Variants in C1GALT1 observed in about 807,000 individuals in gnomAD.
C1GALT1 encodes the protein glycoprotein-N-acetylgalactosamine 3-beta-galactosyltransferase 1.
A neutral mutation model predicts 31.0 loss-of-function variants in C1GALT1; 11 were observed. The observed-to-expected ratio is 0.36, with a 90% CI of 0.22 to 0.59. C1GALT1 has a LOEUF of 0.59. C1GALT1 is among the 20% of genes least tolerant of loss of function. The pLI, the probability that C1GALT1 is intolerant of heterozygous loss-of-function variation, is 0.79. For synonymous variants in C1GALT1, 175 were observed against 143.6 expected, an observed-to-expected ratio of 1.22 and a Z score of -1.56; for missense variants, 424 against 425.2, an observed-to-expected ratio of 1.00 and a Z score of 0.03.
chr7:7,231,803 T>C (rs1783087805), intron 1 of C1GALT1, among the ~76,000 whole-genome samples: 1 of 151,138 alleles, frequency 6.6e-6, no homozygotes, highest in African/African-American at 2.4e-5. Context: ...AAAAAAAAAG[T>C]CGTCATGATA....
intron 1 of C1GALT1, among the ~76,000 whole-genome samples, chr7:7,233,939 T>C (rs1282766320): frequency 6.6e-6 from 1 of 151,962 alleles, no homozygotes; most frequent in East Asian, 1.9e-4. Flanking sequence ...GGGTGGTGGT[T>C]GCTACCAGAG....
At chr7:7,239,321 G>A (rs1270899902) in intron 3 of C1GALT1, among the ~76,000 whole-genome samples, 1 of 152,206 alleles carries the variant, frequency 6.6e-6, no homozygotes, top group Non-Finnish European at 1.5e-5. Context: ...GAGTGGGATG[G>A]AGTCCTCTGG....
chr7:7,171,105 T>C (rs1226836568), intron 2 of C1GALT1, among the ~76,000 whole-genome samples: 1 of 116,238 alleles, frequency 8.6e-6, no homozygotes, highest in Non-Finnish European at 1.9e-5. Flanking sequence ...TAAAATGTTC[T>C]ATATACACAT....
At chr7:7,189,117 T>G (rs796572008) in intron 1 of C1GALT1, among the ~76,000 whole-genome samples, 3 of 152,316 alleles carry the variant, frequency 2.0e-5, no homozygotes, top group African/African-American at 7.2e-5. Context: ...AGCACAAAGA[T>G]TTTCCCTATC....
At chr7:7,166,080 C>T (rs1583727860) in intron 2 of C1GALT1, among the ~76,000 whole-genome samples, 1 of 152,116 alleles carries the variant, frequency 6.6e-6, no homozygotes, top group Non-Finnish European at 1.5e-5. Context: ...GGCGTGTTCA[C>T]GTTCTCTCAT....
rs561094780 is a variant in C1GALT1, at chr7:7,231,721, C to T, written c.-17-2582C>T. Among the ~76,000 whole-genome samples the T allele has an allele frequency of 6.6e-5, 10 of 151,390 alleles. No homozygotes were observed. The East Asian group carries it at 7.7e-4, about 12-fold the overall frequency. On this transcript the variant is annotated intron_variant, in intron 1 of 3. Transcript: ENST00000436587. Reference sequence around the variant, plus strand: ...TATTGTCTACTTTTTTGTGTTTAGCCGTAATTTTCATCTTGATGCCTGGTT... The same window carrying T: ...TATTGTCTACTTTTTTGTGTTTAGCTGTAATTTTCATCTTGATGCCTGGTT...
intron 1 of C1GALT1, among the ~76,000 whole-genome samples, chr7:7,183,134 G>A (rs1583737281): frequency 6.6e-6 from 1 of 152,050 alleles, no homozygotes; most frequent in East Asian, 1.9e-4. Flanking sequence ...TCTTCTGCTC[G>A]CGCGCTGCCT....
chr7:7,191,561 T>C (rs1781073864), intron 1 of C1GALT1, among the ~76,000 whole-genome samples: 2 of 152,132 alleles, frequency 1.3e-5, no homozygotes, highest in Non-Finnish European at 2.9e-5. Context: ...CATACTGTTT[T>C]CCATAGCAGA....
chr7:7,179,264 A>G (rs1780542365), upstream of C1GALT1, among the ~76,000 whole-genome samples: 1 of 152,222 alleles, frequency 6.6e-6, no homozygotes, highest in Admixed American at 6.5e-5. Flanking sequence ...ACTACATTCT[A>G]TTCATGAGAA....
chr7:7,237,679 T>C (rs1309807872), intron 2 of C1GALT1, among the ~76,000 whole-genome samples: 1 of 152,208 alleles, frequency 6.6e-6, no homozygotes, highest in African/African-American at 2.4e-5. Context: ...TTTGACCTTT[T>C]ACCACCTCAG....
rs1407108764 is a variant in C1GALT1 at position 7,247,762 on chromosome 7, T to C, written c.*4035T>C. 6.6e-6 allele frequency: 1 copy of C among 152,078 alleles called. No individual in the cohort carries two copies. Among genetic ancestry groups the C allele is most frequent in the Admixed American group, 6.5e-5 (1 of 15,274 alleles). The allele number at this position is 152,078 out of a possible 1,614,324, so 9.4% of individuals were successfully genotyped here. ...TGCTTTATTACTAACTTCCATTTTCTAGTTACTCTTAAATGCTGCCTTCAC... is the reference window on the plus strand; with the variant it reads ...TGCTTTATTACTAACTTCCATTTTCCAGTTACTCTTAAATGCTGCCTTCAC... On this transcript the variant is annotated 3_prime_UTR_variant, in exon 4 of 4. Coordinates refer to ENST00000436587, the MANE Select transcript of C1GALT1 (RefSeq NM_020156.5).
intron 1 of C1GALT1, among the ~76,000 whole-genome samples, chr7:7,203,147 T>C (rs1388874910): frequency 1.3e-5 from 2 of 151,542 alleles, no homozygotes; most frequent in Non-Finnish European, 2.9e-5. Context: ...TCATATCATT[T>C]GTAAGAAGAT....
intron 2 of C1GALT1, among the ~76,000 whole-genome samples, chr7:7,166,729 A>G (rs1780396511): frequency 6.6e-6 from 1 of 152,222 alleles, no homozygotes; most frequent in Admixed American, 6.5e-5. Context: ...TACATTTTTT[A>G]AAAATCAGTT....
chr7:7,212,598 G>A (rs1254098296), intron 1 of C1GALT1, among the ~76,000 whole-genome samples: 3 of 152,164 alleles, frequency 2.0e-5, no homozygotes, highest in Non-Finnish European at 4.4e-5. Flanking sequence ...TTATTCACTT[G>A]GGTCCAAGTG....
intron 1 of C1GALT1, among the ~76,000 whole-genome samples, chr7:7,202,996 T>C (rs993509698): frequency 6.6e-6 from 1 of 152,092 alleles, no homozygotes; most frequent in Admixed American, 6.5e-5. Context: ...AATTATTACT[T>C]CAAGAAGTGT....
At chr7:7,162,867 C>T (rs866797571) in intron 2 of C1GALT1, among the ~76,000 whole-genome samples, 34 of 151,994 alleles carry the variant, frequency 2.2e-4, no homozygotes, top group Admixed American at 3.9e-4. Context: ...TGATGGCCAG[C>T]GATGGTGAGC....
At chr7:7,225,534 C>G (rs1007699411) in intron 1 of C1GALT1, among the ~76,000 whole-genome samples, 2 of 152,130 alleles carry the variant, frequency 1.3e-5, no homozygotes, top group Non-Finnish European at 2.9e-5. Context: ...GGGTTTATTG[C>G]AAGTAAAATT....
intron 1 of C1GALT1, among the ~76,000 whole-genome samples, chr7:7,202,104 T>A: frequency 6.6e-6 from 1 of 152,196 alleles, no homozygotes; most frequent in East Asian, 1.9e-4. Context: ...CCTTCTCTCG[T>A]GAATTGGCCC....
At chr7:7,190,230 A>G (rs1781005303) in intron 1 of C1GALT1, among the ~76,000 whole-genome samples, 1 of 152,218 alleles carries the variant, frequency 6.6e-6, no homozygotes, top group South Asian at 2.1e-4. Flanking sequence ...ATAAGCTTAA[A>G]GCACGGCAAG....
Sources: allele counts gnomAD v4.1 joint callset (sites outside exome capture counted in the v4.1 genomes callset), GRCh38; gene constraint gnomAD v4.1.1; transcripts MANE v1.5; gene names NCBI Gene and HGNC (gene_info 2026-07-23, HGNC 2026-07-21).